ZFP14: variants seen among roughly 807,000 people sequenced by gnomAD.
The protein encoded by ZFP14 is zinc finger protein 14 homolog.
Under a neutral mutation model 54.5 loss-of-function variants are expected in ZFP14, and 22 were observed. That is an observed-to-expected ratio of 0.40 (90% CI 0.29 to 0.58). The LOEUF is 0.58. ZFP14 is among the 20% of genes least tolerant of loss of function. The pLI is 0.39. For missense variants in ZFP14, 470 were observed against 637.8 expected, an observed-to-expected ratio of 0.74 and a Z score of 2.83; for synonymous variants, 159 against 204.0, an observed-to-expected ratio of 0.78 and a Z score of 1.88.
intron 1 of ZFP14, among the ~76,000 whole-genome samples, chr19:36,377,436 A>G (rs563709801): frequency 5.9e-5 from 9 of 151,796 alleles, no homozygotes; most frequent in Admixed American, 5.9e-4. Context: ...GGTCTCAGCT[A>G]CTCAAGAGGC....
intron 2 of ZFP14, among the ~76,000 whole-genome samples, chr19:36,365,574 A>G (rs1265558256): frequency 6.6e-6 from 1 of 152,196 alleles, no homozygotes; most frequent in African/African-American, 2.4e-5. Flanking sequence ...TACACATTTC[A>G]AAACATCTGC....
At chr19:36,353,974 C>T (rs1441549530) in intron 4 of ZFP14, among the ~76,000 whole-genome samples, 1 of 135,672 alleles carries the variant, frequency 7.4e-6, no homozygotes, top group Non-Finnish European at 1.6e-5. Context: ...ACTTGGGAGG[C>T]TGAGGTGGGA....
chr19:36,366,366 T>G (rs1600082586), intron 2 of ZFP14, among the ~76,000 whole-genome samples: 1 of 152,312 alleles, frequency 6.6e-6, no homozygotes, highest in African/African-American at 2.4e-5. Context: ...TCATCCAGGC[T>G]GGAGTGCAAT....
chr19:36,366,372 G>A (rs2031795146), intron 2 of ZFP14, among the ~76,000 whole-genome samples: 1 of 152,178 alleles, frequency 6.6e-6, no homozygotes, highest in African/African-American at 2.4e-5. Flanking sequence ...AGGCTGGAGT[G>A]CAATGGTGCG....
chr19:36,360,584 A>G, intron 3 of ZFP14, 51 bp from the exon 4 acceptor site: 1 of 1,535,038 alleles, frequency 6.5e-7, no homozygotes, highest in Non-Finnish European at 8.9e-7. Context: ...AAATCTTTAG[A>G]TTTAGATTTG....
chr19:36,340,133 T>G lies in ZFP14; in HGVS notation c.*91A>C. ...TATTCTTTCTCTAATATAAAATTTA[T>G]TATGCTTGGAATTGAGCATGAAACA... On this transcript the variant is annotated 3_prime_UTR_variant, in exon 5 of 5. Coordinates refer to ENST00000270001, the MANE Select transcript of ZFP14 (RefSeq NM_020917.3). The surrounding 1 kb of genome is among the most constrained non-coding windows in gnomAD (Gnocchi z 5.4). 1 of 1,296,032 alleles carries G rather than the reference T, an allele frequency of 7.7e-7. No individual in the cohort carries two copies. The highest frequency in any genetic ancestry group is 1.0e-6 in the Non-Finnish European group (1 of 976,084). 80.3% of individuals were successfully genotyped at this position (1,296,032 alleles called of 1,614,324 possible). A position where few individuals can be genotyped will look rare whatever the true frequency, so the allele number is the denominator to read the frequency against.
At chr19:36,362,349 C>G in intron 2 of ZFP14, 111 bp from the exon 3 acceptor site, 3 of 1,172,336 alleles carry the variant, frequency 2.6e-6, no homozygotes, top group Non-Finnish European at 2.3e-6. Flanking sequence ...AGCATGCAAA[C>G]AGCATTGGGC....
In ZFP14 at chr19:36,359,028, A is replaced by G. The variant is rs147912044; in HGVS notation, c.235+1407T>C. Among the ~76,000 whole-genome samples the G allele has an allele frequency of 1.4e-4, 22 of 152,346 alleles. No individual in the cohort carries two copies. The East Asian group carries it at 4.0e-3, about 28-fold the overall frequency. ...CTCGGAATTCAGCAGAGTCCCCACC[A>G]GCAAGAAGGCCCTCAATAGACACAG... On this transcript the variant is annotated intron_variant, in intron 4 of 4. Transcript: ENST00000270001.
chr19:36,363,573 T>A (rs1248767567), intron 2 of ZFP14, among the ~76,000 whole-genome samples: 3 of 152,138 alleles, frequency 2.0e-5, no homozygotes, highest in Non-Finnish European at 4.4e-5. Flanking sequence ...CAATTTTGGT[T>A]GTCACAATCG....
At chr19:36,352,629 C>T (rs181018429) in intron 4 of ZFP14, among the ~76,000 whole-genome samples, 1 of 142,230 alleles carries the variant, frequency 7.0e-6, no homozygotes, top group Non-Finnish European at 1.6e-5. Flanking sequence ...GACACTGTCT[C>T]TACAAAAAAT....
rs565840322 is a variant in ZFP14, at chr19:36,343,849, T to C, written c.236-2259A>G. Among the ~76,000 whole-genome samples the C allele has an allele frequency of 2.6e-5, 4 of 152,240 alleles. No homozygotes were observed. In the South Asian group the frequency reaches 6.2e-4, roughly 24 times the overall value. ...GTCTCTTTTGCTTCTTACGAAGCCA[T>C]GTGTCCCACTCCCATAATAACTCAT... On this transcript the variant is annotated intron_variant, in intron 4 of 4. Transcript: ENST00000270001.
chr19:36,362,559 C>T (rs967054262), intron 2 of ZFP14, among the ~76,000 whole-genome samples: 1 of 152,024 alleles, frequency 6.6e-6, no homozygotes, highest in South Asian at 2.1e-4. Context: ...TATGTGCCTC[C>T]ACCATAAATT....
intron 2 of ZFP14, among the ~76,000 whole-genome samples, chr19:36,363,189 C>CTTTTCTTTTTTTTTTTTTTTTTTTTTTT (rs1555755935): frequency 4.1e-5 from 4 of 97,752 alleles, no homozygotes; most frequent in Non-Finnish European, 6.1e-5. Flanking sequence ...CTTTTCTTTT[C>CTTTTCTTTTTTTTTTTTTTTTTTTTTTT]TTTTTTTTTT....
chr19:36,365,657 T>A (rs60266177), intron 2 of ZFP14, among the ~76,000 whole-genome samples: 101,670 of 150,912 alleles, frequency 0.67, 34,484 homozygotes, highest in African/African-American at 0.75. Context: ...TTTTGTTTTT[T>A]AAAAAAAAGC....
chr19:36,357,440 T>G (rs899411420), intron 4 of ZFP14, among the ~76,000 whole-genome samples: 1 of 152,232 alleles, frequency 6.6e-6, no homozygotes, highest in Non-Finnish European at 1.5e-5. Flanking sequence ...TGTTTCCCTC[T>G]AAAAACTTTA....
chr19:36,362,328 A>G, intron 2 of ZFP14, 90 bp from the exon 3 acceptor site: 2 of 1,407,216 alleles, frequency 1.4e-6, no homozygotes, highest in South Asian at 2.9e-5. Context: ...CATTGCAGAG[A>G]GGGGTCAGAT....
intron 4 of ZFP14, among the ~76,000 whole-genome samples, chr19:36,357,829 G>A (rs542714654): frequency 6.0e-5 from 9 of 150,296 alleles, no homozygotes; most frequent in African/African-American, 2.0e-4. Context: ...TGCAACCTCC[G>A]CTTCCCAGGT....
At position 36,341,655 on chromosome 19, in the gene ZFP14, C is replaced by CA. The variant is rs1182057964; in HGVS notation, c.236-66dup. 6.2e-6 allele frequency: 9 copies of CA among 1,445,064 alleles called. No homozygotes were observed. The South Asian group carries it at 8.9e-5, about 14-fold the overall frequency. The allele number at this position is 1,445,064 out of a possible 1,614,324, so 89.5% of individuals were successfully genotyped here. On this transcript the variant is annotated intron_variant, in intron 4 of 4. Transcript: ENST00000270001. The surrounding 1 kb of genome is among the most constrained non-coding windows in gnomAD (Gnocchi z 4.2). ...GTTCCAGAAAGAAAAAACAAACAAA[C>CA]AAAAAAACCACTTCTATAGAGAAAA...
chr19:36,369,264 G>C (rs1418024568), intron 1 of ZFP14, among the ~76,000 whole-genome samples: 1 of 152,162 alleles, frequency 6.6e-6, no homozygotes, highest in Non-Finnish European at 1.5e-5. Flanking sequence ...AGTTGTCCTC[G>C]GTACTGTTCT....
Sources: gnomAD v4.1 joint callset for allele counts (sites outside exome capture counted in the v4.1 genomes callset) on GRCh38, gnomAD v4.1.1 for gene constraint, Gnocchi (gnomAD v3.1) non-coding constraint, MANE v1.5 for transcripts, NCBI Gene and HGNC (gene_info 2026-07-23, HGNC 2026-07-21) for gene names.